The following TLN2 variants were observed in gnomAD, a reference collection of about 807,000 sequenced individuals.
TLN2 encodes talin-2.
TLN2 carries 118 observed loss-of-function variants against 294.7 expected under a neutral mutation model. The ratio of observed to expected loss-of-function variants is 0.40; its 90% confidence interval spans 0.34 to 0.47. The LOEUF (loss-of-function observed/expected upper bound fraction) is 0.47, where lower values mean the gene tolerates loss of function less well. TLN2 is among the 20% of genes least tolerant of loss of function. The probability of loss-of-function intolerance (pLI) is 0.84; values close to 1 mark genes in which losing one functional copy is unlikely to be tolerated. For synonymous variants in TLN2, 1,431 were observed against 1,304.5 expected (o/e 1.10, Z -2.09); for missense variants, 3,083 against 3,282.2 (o/e 0.94, Z 1.48).
At chr15:62,446,622 T>G (rs1265573992) in intron 1 of TLN2, among the ~76,000 whole-genome samples, 1 of 152,054 alleles carries the variant, frequency 6.6e-6, no homozygotes, top group African/African-American at 2.4e-5. Context: ...TTCAGTTTTC[T>G]TATATAAAAA....
Position 62,759,849 on chromosome 15 carries a change from A to G in TLN2, c.4639-1832A>G, listed in dbSNP as rs2062552935. Among the ~76,000 whole-genome samples the G allele has an allele frequency of 2.0e-5, 3 of 152,146 alleles. No homozygotes were observed. In the South Asian group the frequency reaches 6.2e-4, roughly 31 times the overall value. Reference sequence around the variant, plus strand: ...CACTCTTTTGCCTGTGTTTGGGCCCATCTGTGTCAGGCTCCTGCTGAGTGG... The same window carrying G: ...CACTCTTTTGCCTGTGTTTGGGCCCGTCTGTGTCAGGCTCCTGCTGAGTGG... On this transcript the variant is annotated intron_variant, in intron 37 of 58. Coordinates refer to ENST00000636159, the MANE Select transcript of TLN2 (RefSeq NM_015059.3).
At chr15:62,491,957 GGCAGGGA>G (rs1238620511) in intron 1 of TLN2, among the ~76,000 whole-genome samples, 27 of 152,094 alleles carry the variant, frequency 1.8e-4, no homozygotes, top group African/African-American at 6.0e-4. Flanking sequence ...TGAGAATTGC[GGCAGGGA>G]GCAGGGAGTA....
chr15:62,560,250 T>C (rs1037647604), intron 1 of TLN2, among the ~76,000 whole-genome samples: 5 of 152,210 alleles, frequency 3.3e-5, no homozygotes, highest in African/African-American at 1.2e-4. Context: ...TTTTTTTGTT[T>C]GTTTTTTTGA....
chr15:62,750,451 C>T lies in TLN2; in HGVS notation c.4169C>T (p.Ser1390Phe). ...CCTAATGAACCTGTTAGTGACCTCT[C>T]TTACTTTGACTGCATTGAGAGTGTG... ...DNPNEPVSDL[S>F]YFDCIESVME... is the part of the protein sequence containing the mutation. Residue 1390 changes from serine (S) to phenylalanine (F), a missense_variant, in exon 34 of 59, where the codon TCT becomes TTT. Ser to Phe is a radical substitution (Grantham distance 155). Transcript: ENST00000636159. 1 of 1,614,204 alleles carries T rather than the reference C, an allele frequency of 6.2e-7. No individual in the cohort carries two copies. Among genetic ancestry groups the T allele is most frequent in the Non-Finnish European group, 8.5e-7 (1 of 1,180,030 alleles).
intron 1 of TLN2, among the ~76,000 whole-genome samples, chr15:62,427,271 T>G (rs1411989294): frequency 6.6e-6 from 1 of 152,208 alleles, no homozygotes; most frequent in Non-Finnish European, 1.5e-5. Flanking sequence ...AGTGTGTGTC[T>G]CCTGGGAACT....
At chr15:62,477,839 G>T (rs2037858117) in intron 1 of TLN2, among the ~76,000 whole-genome samples, 1 of 137,280 alleles carries the variant, frequency 7.3e-6, no homozygotes. Flanking sequence ...AGAGCCTGGG[G>T]TCCAAGCAGC....
chr15:62,671,070 AT>A (rs2055350465), intron 9 of TLN2, among the ~76,000 whole-genome samples: 1 of 152,116 alleles, frequency 6.6e-6, no homozygotes. Flanking sequence ...CCTATTGGCC[AT>A]TTGTATCTCT....
At chr15:62,747,566 A>C (rs576351820) in intron 32 of TLN2, among the ~76,000 whole-genome samples, 1 of 152,242 alleles carries the variant, frequency 6.6e-6, no homozygotes, top group Non-Finnish European at 1.5e-5. Context: ...GGGACTGCTG[A>C]TGAAGGGTCT....
intron 1 of TLN2, among the ~76,000 whole-genome samples, chr15:62,517,249 C>T (rs1422290405): frequency 1.3e-5 from 2 of 152,194 alleles, no homozygotes; most frequent in South Asian, 2.1e-4. Context: ...CTTTACTACT[C>T]CTTAGGCTCA....
At chr15:62,567,573 G>A (rs1274903658) in intron 1 of TLN2, among the ~76,000 whole-genome samples, 1 of 152,190 alleles carries the variant, frequency 6.6e-6, no homozygotes, top group Non-Finnish European at 1.5e-5. Context: ...TGTGGCTCAC[G>A]CTTGTAATCC....
At chr15:62,832,796 C>A (rs2069009951) in intron 54 of TLN2, 2 of 151,908 alleles carry the variant, frequency 1.3e-5, no homozygotes, top group Non-Finnish European at 2.9e-5. Flanking sequence ...TTGATTTTTA[C>A]CCAGGAAAAA....
intron 40 of TLN2, among the ~76,000 whole-genome samples, chr15:62,764,360 A>G (rs2062862121): frequency 6.6e-6 from 1 of 152,200 alleles, no homozygotes; most frequent in Non-Finnish European, 1.5e-5. Context: ...GAAGGTGCTT[A>G]ATAAACATGG....
chr15:62,597,317 T>G (rs1426563231), intron 2 of TLN2, among the ~76,000 whole-genome samples: 1 of 152,222 alleles, frequency 6.6e-6, no homozygotes, highest in Non-Finnish European at 1.5e-5. Context: ...TAAGTGGTAT[T>G]TCCTCTATTA....
chr15:62,630,810 A>G (rs755488043), intron 3 of TLN2, among the ~76,000 whole-genome samples: 4 of 152,094 alleles, frequency 2.6e-5, no homozygotes, highest in African/African-American at 9.7e-5. Flanking sequence ...AATGCTGTCT[A>G]TAAATATTTA....
At chr15:62,674,962 A>T (rs2055989942) in intron 10 of TLN2, among the ~76,000 whole-genome samples, 1 of 152,210 alleles carries the variant, frequency 6.6e-6, no homozygotes, top group African/African-American at 2.4e-5. Context: ...GTGTGCATGG[A>T]TTGTCACATT....
At chr15:62,797,512 G>C (rs975864541) in intron 48 of TLN2, 110 bp downstream of exon 48, 1 of 1,252,024 alleles carries the variant, frequency 8.0e-7, no homozygotes, top group Non-Finnish European at 1.1e-6. Flanking sequence ...TAGACAATGT[G>C]TGTGTGAGTG....
intron 1 of TLN2, among the ~76,000 whole-genome samples, chr15:62,489,739 C>A (rs2038604748): frequency 6.6e-6 from 1 of 152,196 alleles, no homozygotes; most frequent in Admixed American, 6.5e-5. Context: ...GGCACTGTGT[C>A]TTCTCCTTGT....
intron 45 of TLN2, among the ~76,000 whole-genome samples, chr15:62,786,868 A>G (rs531411377): frequency 2.6e-4 from 40 of 152,260 alleles, no homozygotes; most frequent in African/African-American, 8.9e-4. Flanking sequence ...AAAAACCGCA[A>G]TTACTTTTAT....
chr15:62,633,683 C>T (rs2050125255), intron 3 of TLN2, among the ~76,000 whole-genome samples: 1 of 152,154 alleles, frequency 6.6e-6, no homozygotes, highest in Non-Finnish European at 1.5e-5. Context: ...TATTTTGTGT[C>T]AAAAGAACTA....
Sources: gnomAD v4.1 joint callset for allele counts (sites outside exome capture counted in the v4.1 genomes callset) on GRCh38, gnomAD v4.1.1 for gene constraint, MANE v1.5 for transcripts, NCBI Gene and HGNC (gene_info 2026-07-23, HGNC 2026-07-21) for gene names.